Variants in CWC27 observed in about 807,000 individuals in gnomAD.
The protein encoded by CWC27 is CWC27 spliceosome associated cyclophilin.
A neutral mutation model predicts 63.6 loss-of-function variants in CWC27; 47 were observed. The ratio of observed to expected loss-of-function variants is 0.74; its 90% confidence interval spans 0.58 to 0.94. CWC27 has a LOEUF of 0.94. Ranked by LOEUF, CWC27 falls within the 40% of genes least tolerant of loss-of-function variation. The pLI is 0.00. For missense variants in CWC27, 495 were observed against 554.3 expected (o/e 0.89, Z 1.07); for synonymous variants, 175 against 179.8 (o/e 0.97, Z 0.22).
intron 13 of CWC27, among the ~76,000 whole-genome samples, chr5:64,978,412 G>T (rs1749270133): frequency 3.3e-5 from 5 of 152,054 alleles, no homozygotes; most frequent in Admixed American, 3.3e-4. Flanking sequence ...CTTTTAATAG[G>T]TTTCTATTAC....
At chr5:64,912,283 C>T (rs774916033) in intron 11 of CWC27, among the ~76,000 whole-genome samples, 1 of 151,742 alleles carries the variant, frequency 6.6e-6, no homozygotes, top group Non-Finnish European at 1.5e-5. Flanking sequence ...AATGTGGGCC[C>T]AACACACAAT....
rs185600270 is a variant in CWC27 at position 64,944,049 on chromosome 5, G to A, written c.1043-27654G>A. Among the ~76,000 whole-genome samples the A allele has an allele frequency of 3.3e-5, 5 of 151,882 alleles. No individual in the cohort carries two copies. In the East Asian group the frequency reaches 5.8e-4, roughly 18 times the overall value. On this transcript the variant is annotated intron_variant, in intron 11 of 13. Transcript: ENST00000381070. ...CTCCACTTGTGCCTTGGATCCTGCC[G>A]CACGCCCCCATCACCTACTTGCGGA...
intron 1 of CWC27, among the ~76,000 whole-genome samples, chr5:64,770,384 C>T (rs1056504042): frequency 6.6e-6 from 1 of 152,128 alleles, no homozygotes. Context: ...GGCAATATCA[C>T]CCCCAGTTAA....
chr5:64,788,724 T>C (rs554357541), intron 6 of CWC27, among the ~76,000 whole-genome samples: 1 of 152,120 alleles, frequency 6.6e-6, no homozygotes, highest in South Asian at 2.1e-4. Flanking sequence ...TAAAAGTTAG[T>C]ATAATATAGG....
intron 6 of CWC27, among the ~76,000 whole-genome samples, chr5:64,786,881 T>A (rs1291383767): frequency 6.6e-6 from 1 of 152,154 alleles, no homozygotes; most frequent in African/African-American, 2.4e-5. Context: ...TATAAAGATA[T>A]ACCTGAGACA....
At position 64,769,224 on chromosome 5, in the gene CWC27, A is replaced by AT. The variant is rs769990002; in HGVS notation, c.42+37dup. The AT allele has an allele frequency of 2.5e-6, 4 of 1,603,652 alleles. No homozygotes were observed. The South Asian group carries it at 4.4e-5, about 18-fold the overall frequency. Reference sequence around the variant, plus strand: ...CATCTAGGGAACTTGGGGTCCTGGGATCCCCAAAGTGAGATTTCCCGGATT... The same window carrying AT: ...CATCTAGGGAACTTGGGGTCCTGGGATTCCCCAAAGTGAGATTTCCCGGATT... On this transcript the variant is annotated intron_variant, in intron 1 of 13. Transcript: ENST00000381070.
At chr5:64,916,701 G>A (rs1747893795) in intron 11 of CWC27, among the ~76,000 whole-genome samples, 1 of 152,132 alleles carries the variant, frequency 6.6e-6, no homozygotes, top group Non-Finnish European at 1.5e-5. Flanking sequence ...GGCAGAACCT[G>A]TTATCAGAAG....
At chr5:64,948,116 G>T (rs115534604) in intron 11 of CWC27, among the ~76,000 whole-genome samples, 20 of 152,060 alleles carry the variant, frequency 1.3e-4, no homozygotes, top group African/African-American at 4.6e-4. Flanking sequence ...TCCTGTTTAA[G>T]GCTTAAGCTA....
intron 11 of CWC27, 152 bp downstream of exon 11, chr5:64,885,698 GGTGTGTGTGT>G (rs143055779): frequency 7.4e-4 from 193 of 261,520 alleles, no homozygotes; most frequent in East Asian, 2.7e-3. Context: ...CTTGAGTTAG[GGTGTGTGTGT>G]GTGTGTGTGT....
intron 11 of CWC27, among the ~76,000 whole-genome samples, chr5:64,912,566 A>T (rs1747813346): frequency 6.6e-6 from 1 of 152,212 alleles, no homozygotes; most frequent in Non-Finnish European, 1.5e-5. Context: ...AAAAAAATGC[A>T]TGTAGTGTAG....
chr5:64,891,441 T>G (rs541520075), intron 11 of CWC27, among the ~76,000 whole-genome samples: 5 of 152,314 alleles, frequency 3.3e-5, no homozygotes, highest in Admixed American at 2.0e-4. Context: ...ATAATATAAT[T>G]TCTTAAATAG....
intron 10 of CWC27, among the ~76,000 whole-genome samples, chr5:64,883,673 A>G (rs79993967): frequency 0.013 from 2,011 of 152,332 alleles, 23 homozygotes; most frequent in Non-Finnish European, 0.022. Context: ...TTTGGTTGAT[A>G]TAGAAGCAGT....
At chr5:64,885,377 T>C (rs1580702318) in intron 10 of CWC27, 66 bp from the exon 11 acceptor site, 1 of 1,096,084 alleles carries the variant, frequency 9.1e-7, no homozygotes, top group Non-Finnish European at 1.3e-6. Flanking sequence ...CCAATGATTC[T>C]GTTTTTGCTA....
At chr5:64,959,143 A>T (rs530673159) in intron 11 of CWC27, among the ~76,000 whole-genome samples, 63 of 152,238 alleles carry the variant, frequency 4.1e-4, no homozygotes, top group Non-Finnish European at 6.3e-4. Context: ...TAAAATACAC[A>T]TGTATAGAGA....
intron 10 of CWC27, among the ~76,000 whole-genome samples, chr5:64,820,542 A>G (rs574478015): frequency 1.3e-4 from 20 of 152,130 alleles, no homozygotes; most frequent in Non-Finnish European, 2.4e-4. Context: ...TAAATCTTAA[A>G]GAAGGAAAAA....
intron 10 of CWC27, among the ~76,000 whole-genome samples, chr5:64,823,040 A>T (rs192871808): frequency 3.2e-4 from 49 of 152,330 alleles, no homozygotes; most frequent in African/African-American, 1.2e-3. Context: ...TTAGGTTCTG[A>T]TGCCAGCATT....
chr5:64,961,399 C>T (rs1748906660), intron 11 of CWC27, among the ~76,000 whole-genome samples: 1 of 151,688 alleles, frequency 6.6e-6, no homozygotes, highest in South Asian at 2.1e-4. Context: ...TTCCCAAGCC[C>T]TTTCATATAT....
intron 4 of CWC27, among the ~76,000 whole-genome samples, chr5:64,784,559 T>C: frequency 6.6e-6 from 1 of 152,220 alleles, no homozygotes; most frequent in Admixed American, 6.5e-5. Context: ...CTATATGTTT[T>C]AAGTCTTAGG....
At chr5:64,960,284 A>G (rs895426537) in intron 11 of CWC27, among the ~76,000 whole-genome samples, 13 of 152,126 alleles carry the variant, frequency 8.5e-5, no homozygotes, top group African/African-American at 2.9e-4. Flanking sequence ...GAGCCAGACT[A>G]CATAGGTTTA....
Sources: allele counts gnomAD v4.1 joint callset (sites outside exome capture counted in the v4.1 genomes callset), GRCh38; gene constraint gnomAD v4.1.1; transcripts MANE v1.5; gene names NCBI Gene and HGNC (gene_info 2026-07-23, HGNC 2026-07-21).